The following SEC11A variants were observed in gnomAD, a reference collection of about 807,000 sequenced individuals.
The protein encoded by SEC11A is SEC11 homolog A, signal peptidase complex subunit, also known as signal peptidase complex catalytic subunit SEC11A.
SEC11A carries 14 observed loss-of-function variants against 25.6 expected under a neutral mutation model. The ratio of observed to expected loss-of-function variants is 0.55; its 90% CI spans 0.36 to 0.85. The LOEUF (loss-of-function observed/expected upper bound fraction) is 0.85, where lower values mean the gene tolerates loss of function less well. Among genes scored for constraint, SEC11A ranks in the 40% least tolerant of loss-of-function variants. The pLI is 0.01. For missense variants in SEC11A, 153 were observed against 222.9 expected, an observed-to-expected ratio of 0.69 and a Z score of 2.00; for synonymous variants, 83 against 76.4, an observed-to-expected ratio of 1.09 and a Z score of -0.45.
At chr15:84,706,014 C>T (rs1007695602) in intron 1 of SEC11A, among the ~76,000 whole-genome samples, 2 of 151,644 alleles carry the variant, frequency 1.3e-5, no homozygotes, top group Admixed American at 6.6e-5. Context: ...TGGGTTCATG[C>T]GATTCTCCTG....
At chr15:84,686,237 C>G (rs1285777040) in intron 3 of SEC11A, among the ~76,000 whole-genome samples, 1 of 151,854 alleles carries the variant, frequency 6.6e-6, no homozygotes, top group African/African-American at 2.4e-5. Flanking sequence ...TTTATTTCAC[C>G]AATGAAGAAA....
intron 1 of SEC11A, among the ~76,000 whole-genome samples, chr15:84,702,163 T>A (rs1377673009): frequency 6.8e-6 from 1 of 147,356 alleles, no homozygotes; most frequent in Non-Finnish European, 1.5e-5. Context: ...CCCGGCTAAT[T>A]TTTTCAAAAA....
At position 84,691,671 on chromosome 15, in the gene SEC11A, G is replaced by T. The variant is rs755489885; in HGVS notation, c.52-27C>A. 1.4e-5 allele frequency: 18 copies of T among 1,329,054 alleles called. No homozygotes were observed. In the East Asian group the frequency reaches 4.1e-4, roughly 31 times the overall value. 82.3% of individuals were successfully genotyped at this position (1,329,054 alleles called of 1,614,324 possible). A position where few individuals can be genotyped will look rare whatever the true frequency, so the allele number is the denominator to read the frequency against. ...TGCAAGAACAAAACAGAAGAGATCA[G>T]ATCCACCATTATCCCCACTTCGGAA... On this transcript the variant is annotated intron_variant, in intron 1 of 5. Coordinates refer to ENST00000268220, the MANE Select transcript of SEC11A (RefSeq NM_014300.4).
At chr15:84,675,354 A>T (rs1449714481) in intron 4 of SEC11A, among the ~76,000 whole-genome samples, 1 of 152,220 alleles carries the variant, frequency 6.6e-6, no homozygotes, top group Non-Finnish European at 1.5e-5. Context: ...GCTCATAGAG[A>T]TCATTAGACA....
Position 84,700,451 on chromosome 15 carries a change from G to A in SEC11A, c.52-8807C>T, listed in dbSNP as rs868427937. Among the ~76,000 whole-genome samples the A allele has an allele frequency of 2.7e-5, 4 of 149,492 alleles. No individual in the cohort carries two copies. The South Asian group carries it at 6.3e-4, about 23-fold the overall frequency. On this transcript the variant is annotated intron_variant, in intron 1 of 5. Transcript: ENST00000268220. The stretch of plus-strand genomic sequence containing the variant: ...TCTACTAAAAATACAAAAATTAGCC[G>A]GGCATGGTGGCGCATGCCTGTAGTC...
At chr15:84,697,384 T>C (rs552012449) in intron 1 of SEC11A, among the ~76,000 whole-genome samples, 1 of 152,350 alleles carries the variant, frequency 6.6e-6, no homozygotes, top group African/African-American at 2.4e-5. Flanking sequence ...ATAATACTTT[T>C]ATTATGGAAT....
intron 4 of SEC11A, among the ~76,000 whole-genome samples, chr15:84,678,758 C>CA (rs1020558130): frequency 1.5e-4 from 23 of 152,040 alleles, no homozygotes; most frequent in Non-Finnish European, 2.9e-4. Context: ...TTTGAGAGGC[C>CA]AAGACAGGTG....
At chr15:84,700,871 T>C (rs1330354395) in intron 1 of SEC11A, among the ~76,000 whole-genome samples, 2 of 148,950 alleles carry the variant, frequency 1.3e-5, no homozygotes, top group East Asian at 2.0e-4. Flanking sequence ...TCCCAGCTAC[T>C]AGGGAGGCTG....
At chr15:84,682,014 G>A (rs1897293904) in intron 3 of SEC11A, among the ~76,000 whole-genome samples, 1 of 152,126 alleles carries the variant, frequency 6.6e-6, no homozygotes, top group Admixed American at 6.6e-5. Context: ...AGCTGTGATT[G>A]CGTCACTGCA....
At chr15:84,695,768 A>G (rs1161515050) in intron 1 of SEC11A, among the ~76,000 whole-genome samples, 1 of 152,250 alleles carries the variant, frequency 6.6e-6, no homozygotes, top group African/African-American at 2.4e-5. Context: ...GATCTTAGCC[A>G]AAAGGCCGAG....
At chr15:84,693,463 C>CTT (rs11453399) in intron 1 of SEC11A, among the ~76,000 whole-genome samples, 2,045 of 143,688 alleles carry the variant, frequency 0.014, 40 homozygotes, top group East Asian at 0.097. Context: ...TTTTTCTCTT[C>CTT]TTTTTTTTTT....
chr15:84,680,358 T>C (rs1347485992), intron 4 of SEC11A, among the ~76,000 whole-genome samples: 1 of 151,742 alleles, frequency 6.6e-6, no homozygotes, highest in Non-Finnish European at 1.5e-5. Flanking sequence ...TTAATAGTGC[T>C]CTAGACCCCC....
chr15:84,711,961 C>T (rs932270488), intron 1 of SEC11A, among the ~76,000 whole-genome samples: 1 of 152,024 alleles, frequency 6.6e-6, no homozygotes, highest in African/African-American at 2.4e-5. Context: ...AACAACTTGG[C>T]TGGGTGTGGT....
intron 3 of SEC11A, chr15:84,686,078 A>C (rs557587266): frequency 6.6e-6 from 1 of 152,226 alleles, no homozygotes. Context: ...CTGAGATTAC[A>C]GGCATGAGCC....
chr15:84,690,227 A>G (rs1897563202), intron 2 of SEC11A, among the ~76,000 whole-genome samples: 1 of 152,128 alleles, frequency 6.6e-6, no homozygotes, highest in Admixed American at 6.6e-5. Context: ...AACAGTGAAT[A>G]AGTCTCACGA....
chr15:84,700,502 G>A (rs771084104), intron 1 of SEC11A, among the ~76,000 whole-genome samples: 1 of 145,710 alleles, frequency 6.9e-6, no homozygotes, highest in Non-Finnish European at 1.5e-5. Context: ...GCTGAGGCAG[G>A]AGAATTGCTT....
chr15:84,670,530 C>A, intron 5 of SEC11A, 195 bp downstream of exon 5: 2 of 366,244 alleles, frequency 5.5e-6, no homozygotes, highest in African/African-American at 2.2e-5. Flanking sequence ...TGAGCCACTG[C>A]GCCCAGGCTA....
At chr15:84,701,539 C>A (rs537583964) in intron 1 of SEC11A, among the ~76,000 whole-genome samples, 2 of 150,160 alleles carry the variant, frequency 1.3e-5, no homozygotes, top group South Asian at 4.2e-4. Flanking sequence ...AGCAAGACTC[C>A]GTTTCAAGAA....
chr15:84,690,674 GA>G (rs375376327), intron 2 of SEC11A, among the ~76,000 whole-genome samples: 3 of 151,766 alleles, frequency 2.0e-5, no homozygotes, highest in African/African-American at 7.3e-5. Flanking sequence ...GCAGAGTGGA[GA>G]AAAAAAATTC....
Sources: gnomAD v4.1 joint callset for allele counts (sites outside exome capture counted in the v4.1 genomes callset) on GRCh38, gnomAD v4.1.1 for gene constraint, MANE v1.5 for transcripts, NCBI Gene and HGNC (gene_info 2026-07-23, HGNC 2026-07-21) for gene names.